TCERG1L: variants seen among roughly 807,000 people sequenced by gnomAD.
TCERG1L encodes the protein transcription elongation regulator 1 like.
In TCERG1L, 37 loss-of-function variants were observed where a neutral mutation model predicts 56.3. The ratio of observed to expected loss-of-function variants is 0.66; its 90% CI spans 0.51 to 0.87. The LOEUF is 0.87. Among genes scored for constraint, TCERG1L ranks in the 40% least tolerant of loss-of-function variants. The pLI is 0.00. For synonymous variants in TCERG1L, 324 were observed against 326.3 expected, an observed-to-expected ratio of 0.99 and a Z score of 0.08; for missense variants, 799 against 774.2, an observed-to-expected ratio of 1.03 and a Z score of -0.38.
In TCERG1L at chr10:131,103,963, T is replaced by G. The variant is rs1016926535; in HGVS notation, c.1485+302A>C. Among the ~76,000 whole-genome samples, 1 of 152,214 alleles carries G rather than the reference T, an allele frequency of 6.6e-6. No homozygotes were observed. Among genetic ancestry groups the G allele is most frequent in the African/African-American group, 2.4e-5 (1 of 41,458 alleles). On this transcript the variant is annotated intron_variant, in intron 10 of 11. Transcript: ENST00000368642. This position sits in a 1 kb window ranked among gnomAD's most constrained non-coding sequence, Gnocchi z 4.3. ...TATCTTTATATAATACCTTAAGTATTTCATATTTTTAACATACGATTTATA... is the reference window on the plus strand; with the variant it reads ...TATCTTTATATAATACCTTAAGTATGTCATATTTTTAACATACGATTTATA...
At chr10:131,151,017 G>C (rs902694267) in intron 6 of TCERG1L, among the ~76,000 whole-genome samples, 2 of 152,106 alleles carry the variant, frequency 1.3e-5, no homozygotes, top group Non-Finnish European at 2.9e-5. Context: ...CATCATGGGG[G>C]AAACCACTTC....
chr10:131,299,968 T>C (rs1168869175), intron 3 of TCERG1L, among the ~76,000 whole-genome samples: 1 of 152,174 alleles, frequency 6.6e-6, no homozygotes, highest in Non-Finnish European at 1.5e-5. Context: ...TACCTTAATG[T>C]ATTCCATCTC....
intron 7 of TCERG1L, among the ~76,000 whole-genome samples, chr10:131,137,744 A>G (rs1845691871): frequency 6.6e-6 from 1 of 152,232 alleles, no homozygotes. Context: ...TAGTTTCAAC[A>G]TGGGCAAAGC....
At chr10:131,159,327 C>T (rs1845954029) in intron 6 of TCERG1L, among the ~76,000 whole-genome samples, 1 of 152,174 alleles carries the variant, frequency 6.6e-6, no homozygotes, top group African/African-American at 2.4e-5. Flanking sequence ...CAGGGATGGG[C>T]TGTTGTGCCT....
intron 4 of TCERG1L, among the ~76,000 whole-genome samples, chr10:131,208,930 C>T (rs955695484): frequency 6.6e-6 from 1 of 151,970 alleles, no homozygotes. Context: ...TGGTGGCAGG[C>T]GCCTGTAGTC....
chr10:131,248,187 C>T (rs1483403430), intron 4 of TCERG1L, among the ~76,000 whole-genome samples: 1 of 146,906 alleles, frequency 6.8e-6, no homozygotes, highest in Non-Finnish European at 1.5e-5. Flanking sequence ...ATGACACACA[C>T]AAACACACAC....
chr10:131,246,039 GGTGAGACACAGA>G (rs1401811523), intron 4 of TCERG1L, among the ~76,000 whole-genome samples: 1 of 152,184 alleles, frequency 6.6e-6, no homozygotes, highest in African/African-American at 2.4e-5. Flanking sequence ...CTGAGGCTCT[GGTGAGACACAGA>G]GAACCAGCCC....
chr10:131,287,527 G>A (rs58316600), intron 3 of TCERG1L, among the ~76,000 whole-genome samples: 11,251 of 152,220 alleles, frequency 0.074, 525 homozygotes, highest in African/African-American at 0.11. Flanking sequence ...TAATTTGCCA[G>A]TGGGTCTGGG....
chr10:131,134,540 T>C (rs969119251), intron 7 of TCERG1L, 92 bp from the exon 8 acceptor site: 12 of 945,724 alleles, frequency 1.3e-5, no homozygotes, highest in Non-Finnish European at 2.0e-5. Context: ...AGTAGACTTA[T>C]CTAGAAATTA....
chr10:131,202,114 G>GT (rs1230903909), intron 4 of TCERG1L, among the ~76,000 whole-genome samples: 2 of 152,168 alleles, frequency 1.3e-5, no homozygotes, highest in Admixed American at 1.3e-4. Flanking sequence ...CAGAAGCGTT[G>GT]TACCAAACTG....
At chr10:131,115,657 T>C (rs373788226) in intron 9 of TCERG1L, among the ~76,000 whole-genome samples, 2 of 152,188 alleles carry the variant, frequency 1.3e-5, no homozygotes, top group East Asian at 3.9e-4. Flanking sequence ...TTTGAGTAAA[T>C]GATGAAATAC....
intron 3 of TCERG1L, among the ~76,000 whole-genome samples, chr10:131,288,586 A>G (rs1846572411): frequency 6.6e-6 from 1 of 152,180 alleles, no homozygotes; most frequent in African/African-American, 2.4e-5. Context: ...TCCAGACATC[A>G]AGCTCTGTGC....
intron 4 of TCERG1L, among the ~76,000 whole-genome samples, chr10:131,222,541 C>T (rs1287378741): frequency 6.6e-6 from 1 of 150,876 alleles, no homozygotes; most frequent in African/African-American, 2.5e-5. Context: ...CTGGGACTCC[C>T]AGATGGAAAG....
intron 6 of TCERG1L, among the ~76,000 whole-genome samples, chr10:131,159,089 T>C (rs1468202123): frequency 6.6e-6 from 1 of 152,236 alleles, no homozygotes; most frequent in African/African-American, 2.4e-5. Context: ...GATGACCTTC[T>C]GCGGGGCAGG....
At chr10:131,187,047 C>A (rs1233196631) in intron 4 of TCERG1L, among the ~76,000 whole-genome samples, 1 of 152,226 alleles carries the variant, frequency 6.6e-6, no homozygotes, top group African/African-American at 2.4e-5. Context: ...CCAGCCCACT[C>A]TCTCACCCCT....
chr10:131,115,572 A>G (rs1316981787), intron 9 of TCERG1L, among the ~76,000 whole-genome samples: 1 of 59,450 alleles, frequency 1.7e-5, no homozygotes, highest in Non-Finnish European at 4.3e-5. Context: ...CAGGCCTGAC[A>G]CGGGGTATTG....
At chr10:131,288,038 CA>C (rs1396842141) in intron 3 of TCERG1L, among the ~76,000 whole-genome samples, 2 of 152,184 alleles carry the variant, frequency 1.3e-5, no homozygotes, top group Non-Finnish European at 2.9e-5. Flanking sequence ...GTGTAATTTA[CA>C]GCACTTTTTT....
intron 6 of TCERG1L, 191 bp downstream of exon 6, chr10:131,162,931 T>C (rs544786541): frequency 1.9e-6 from 1 of 518,858 alleles, no homozygotes; most frequent in African/African-American, 1.9e-5. Flanking sequence ...AGCTCATCGC[T>C]TAAATGCTGT....
Position 131,142,404 on chromosome 10 carries a change from A to G in TCERG1L, c.1189+4102T>C, listed in dbSNP as rs865817728. 3.3e-5 allele frequency among the ~76,000 whole-genome samples: 5 copies of G among 152,368 alleles called. No individual in the cohort carries two copies. In the Middle Eastern group the frequency reaches 0.017, roughly 518 times the overall value. On this transcript the variant is annotated intron_variant, in intron 7 of 11. Transcript: ENST00000368642. Reference sequence around the variant, plus strand: ...CTGTCTTCTCTGACAAACTCAGGAAAGTGACCCATTCACCAGTCACAGCTG... The same window carrying G: ...CTGTCTTCTCTGACAAACTCAGGAAGGTGACCCATTCACCAGTCACAGCTG...
Sources: gnomAD v4.1 joint callset for allele counts (sites outside exome capture counted in the v4.1 genomes callset) on GRCh38, gnomAD v4.1.1 for gene constraint, Gnocchi (gnomAD v3.1) non-coding constraint, MANE v1.5 for transcripts, NCBI Gene and HGNC (gene_info 2026-07-23, HGNC 2026-07-21) for gene names.